The following TRIM65 variants were observed in gnomAD, a reference collection of about 807,000 sequenced individuals.
TRIM65 encodes E3 ubiquitin-protein ligase TRIM65.
In TRIM65, 46 loss-of-function variants were observed where a neutral mutation model predicts 36.1. The ratio of observed to expected loss-of-function variants is 1.27; its 90% CI spans 1.01 to 1.63. TRIM65 has a LOEUF of 1.63. Ranked by LOEUF, TRIM65 falls within the 40% of genes most tolerant of loss-of-function variation. The pLI, the probability that TRIM65 is intolerant of heterozygous loss-of-function variation, is 0.00. For synonymous variants in TRIM65, 346 were observed against 313.6 expected, an observed-to-expected ratio of 1.10 and a Z score of -1.09; for missense variants, 708 against 696.6, an observed-to-expected ratio of 1.02 and a Z score of -0.18.
chr17:75,886,542 A>C (rs904984418), downstream of TRIM65, among the ~76,000 whole-genome samples: 5 of 146,132 alleles, frequency 3.4e-5, no homozygotes, highest in Admixed American at 6.8e-5. Context: ...AAAAAAAAAA[A>C]CCAAAAACGT....
Position 75,896,653 on chromosome 17 carries a change from G to A in TRIM65, c.285C>T (p.Cys95=). Residue 95 remains cysteine, a synonymous_variant, in exon 1 of 6, where the codon TGC becomes TGT. Coordinates refer to ENST00000269383, the MANE Select transcript of TRIM65 (RefSeq NM_173547.4). ...GCTCCAGCGGCCGCCCGTGGCGGGG[G>A]CAGCGCGCGGCAGGGTCGGGGCCGG... The part of the protein sequence containing the change: ...PGPGPDPAAR[C]PRHGRPLELF... 2 of 1,241,794 alleles carry A rather than the reference G, an allele frequency of 1.6e-6. No individual in the cohort carries two copies. The highest frequency in any genetic ancestry group is 1.0e-6 in the Non-Finnish European group (1 of 996,930). 76.9% of individuals were successfully genotyped at this position (1,241,794 alleles called of 1,614,324 possible). A position where few individuals can be genotyped will look rare whatever the true frequency, so the allele number is the denominator to read the frequency against.
chr17:75,880,852 G>C (rs554825877), intron 4 of TRIM65, among the ~76,000 whole-genome samples: 3 of 150,470 alleles, frequency 2.0e-5, no homozygotes, highest in Admixed American at 1.3e-4. Context: ...CTCTAGGCTT[G>C]GGGGGTGGGA....
chr17:75,896,864 A>G lies in TRIM65; in HGVS notation c.74T>C (p.Leu25Pro). Residue 25 changes from leucine (L) to proline (P), a missense_variant, in exon 1 of 6, where the codon CTG becomes CCG. Leu to Pro is a moderately conservative substitution (Grantham distance 98). Transcript: ENST00000269383. ...CLGLYQDPVTLPCGHNFCGAC... is the reference protein window; with the variant it reads ...CLGLYQDPVTPPCGHNFCGAC... Reference sequence around the variant, plus strand: ...CCCGCAGAAGTTGTGGCCGCAGGGCAGCGTCACTGGGTCCTGGTAGAGCCC... The same window carrying G: ...CCCGCAGAAGTTGTGGCCGCAGGGCGGCGTCACTGGGTCCTGGTAGAGCCC... 1.3e-6 allele frequency: 2 copies of G among 1,532,084 alleles called. No individual in the cohort carries two copies. The highest frequency in any genetic ancestry group is 8.7e-7 in the Non-Finnish European group (1 of 1,142,908). 94.9% of individuals were successfully genotyped at this position (1,532,084 alleles called of 1,614,324 possible).
chr17:75,896,736 C>A lies in TRIM65; in HGVS notation c.202G>T (p.Gly68Cys). 1 of 1,469,008 alleles carries A rather than the reference C, an allele frequency of 6.8e-7. No individual in the cohort carries two copies. Among genetic ancestry groups the A allele is most frequent in the Non-Finnish European group, 9.0e-7 (1 of 1,114,980 alleles). 91.0% of individuals were successfully genotyped at this position (1,469,008 alleles called of 1,614,324 possible). A position where few individuals can be genotyped will look rare whatever the true frequency, so the allele number is the denominator to read the frequency against. Residue 68 changes from glycine to cysteine, a missense_variant, in exon 1 of 6, where the codon GGC (glycine) becomes TGC (cysteine). Gly to Cys is a radical substitution (Grantham distance 159, BLOSUM62 -3). Transcript: ENST00000269383. ...CCGGCGCGCACCACCTCCAGCACGC[C>A]GCTGAGGGCCACGTTGCGGCGCAGC... is the stretch of plus-strand genomic sequence containing the variant. Reference protein sequence around the residue: ...AELRRNVALSGVLEVVRAGPA... With the variant: ...AELRRNVALSCVLEVVRAGPA...
Position 75,892,811 on chromosome 17 carries a change from C to T in TRIM65, c.454G>A (p.Ala152Thr), listed in dbSNP as rs1302179624. The T allele has an allele frequency of 1.9e-6, 3 of 1,603,994 alleles. No homozygotes were observed. The highest frequency in any genetic ancestry group is 1.3e-5 in the African/African-American group (1 of 74,930). The change falls in exon 2 of 6, where the codon GCC becomes ACC. Residue 152 changes from alanine to threonine, a missense_variant. Coordinates refer to ENST00000269383, the MANE Select transcript of TRIM65 (RefSeq NM_173547.4). ...RASLEVTQQQATQAEGQLLEL... is the reference protein window; with the variant it reads ...RASLEVTQQQTTQAEGQLLEL... ...AGTAGCTGGCCTTCGGCCTGGGTGGCCTGCTGCTGGGTAACCTCCAGGCTG... is the reference window on the plus strand; with the variant it reads ...AGTAGCTGGCCTTCGGCCTGGGTGGTCTGCTGCTGGGTAACCTCCAGGCTG...
At chr17:75,888,274 A>G (rs2065225266), downstream of TRIM65, among the ~76,000 whole-genome samples, 1 of 150,844 alleles carries the variant, frequency 6.6e-6, no homozygotes, top group Admixed American at 6.6e-5. Context: ...GATCGCTTGA[A>G]CCCGGGAGGC....
intron 1 of TRIM65, among the ~76,000 whole-genome samples, chr17:75,894,264 G>GCGCCATC (rs1443377188): frequency 6.6e-6 from 1 of 152,034 alleles, no homozygotes; most frequent in Non-Finnish European, 1.5e-5. Flanking sequence ...CAGCGTCCCT[G>GCGCCATC]CGCCATCCTC....
rs565260863 is a variant in TRIM65, at chr17:75,896,522, A to C, written c.414+2T>G. 1.5e-6 allele frequency: 2 copies of C among 1,321,460 alleles called. 1 individual carries two copies. The highest frequency in any genetic ancestry group is 1.9e-6 in the Non-Finnish European group (2 of 1,037,378). 81.9% of individuals were successfully genotyped at this position (1,321,460 alleles called of 1,614,324 possible). ...CCCTCCCGCTCCCGGCGGATGCGTC[A>C]CCTCGCGCTTGAGGCGCTCGGCATC... On this transcript the variant is annotated splice_donor_variant, in intron 1 of 5. Coordinates refer to ENST00000269383, the MANE Select transcript of TRIM65 (RefSeq NM_173547.4). LOFTEE classifies it high-confidence loss of function.
chr17:75,891,833 A>C lies in TRIM65; in HGVS notation c.965T>G (p.Leu322Arg), dbSNP rs758468327. The C allele has an allele frequency of 4.3e-6, 7 of 1,612,450 alleles. No homozygotes were observed. In the East Asian group the frequency reaches 1.3e-4, roughly 31 times the overall value. Residue 322 changes from leucine (L) to arginine (R), a missense_variant, in exon 5 of 6, where the codon CTG (leucine) becomes CGG (arginine). Coordinates refer to ENST00000269383, the MANE Select transcript of TRIM65 (RefSeq NM_173547.4). Reference sequence around the variant, plus strand: ...CTTACTCTGCCAGAGTTTCCTCCTCAGTGGACAAACTGTGCTTGGGACCGG... The same window carrying C: ...CTTACTCTGCCAGAGTTTCCTCCTCCGTGGACAAACTGTGCTTGGGACCGG... ...LAPVPSTVCP[L>R]RRKLWQNYRN...
Position 75,890,560 on chromosome 17 carries a change from G to T in TRIM65, c.*219C>A. ...TACCTAGAACTGGGTTCTCTCTGGG[G>T]CAAGGGCATCCCATTTATCCCCCTC... On this transcript the variant is annotated 3_prime_UTR_variant, in exon 6 of 6. Transcript: ENST00000269383. The T allele has an allele frequency of 2.1e-6, 1 of 476,830 alleles. No homozygotes were observed. The allele number at this position is 476,830 out of a possible 1,614,324, so 29.5% of individuals were successfully genotyped here.
Position 75,892,249 on chromosome 17 carries a change from T to C in TRIM65, c.744+18A>G, listed in dbSNP as rs1480218168. The stretch of plus-strand genomic sequence containing the variant: ...GGCAGGGAAGCAAGTCCGCCACCTA[T>C]GCCCTGAGCCCTCGCACCTGCAGGA... On this transcript the variant is annotated intron_variant, in intron 3 of 5. Transcript: ENST00000269383. The C allele has an allele frequency of 3.1e-6, 5 of 1,604,972 alleles. No individual in the cohort carries two copies. The East Asian group carries it at 6.7e-5, about 22-fold the overall frequency.
rs56700567 is a variant in TRIM65, at chr17:75,891,748, GCACA to G, written c.985+61_985+64del. 3.0e-3 allele frequency: 4,008 copies of G among 1,331,256 alleles called. 43 individuals carry two copies. In the African/African-American group the frequency reaches 0.04, roughly 13 times the overall value. 82.5% of individuals were successfully genotyped at this position (1,331,256 alleles called of 1,614,324 possible). On this transcript the variant is annotated intron_variant, in intron 5 of 5. Coordinates refer to ENST00000269383, the MANE Select transcript of TRIM65 (RefSeq NM_173547.4). ...ACATGCACACACACACGTGCTCACAGCACACACAGGCACTTCCTTGCACACGCAC... is the reference window on the plus strand; with the variant it reads ...ACATGCACACACACACGTGCTCACAGCACAGGCACTTCCTTGCACACGCAC...
intron 4 of TRIM65, among the ~76,000 whole-genome samples, chr17:75,881,794 G>A (rs902699853): frequency 6.6e-6 from 1 of 150,722 alleles, no homozygotes; most frequent in Non-Finnish European, 1.5e-5. Flanking sequence ...CCAGGACTCA[G>A]GCGGGCAGAG....
chr17:75,892,474 C>T lies in TRIM65; in HGVS notation c.537G>A (p.Trp179Ter). 3.1e-6 allele frequency: 5 copies of T among 1,614,046 alleles called. No individual in the cohort carries two copies. The highest frequency in any genetic ancestry group is 1.1e-5 in the South Asian group (1 of 91,084). ...GCAGGCTGCTGAACTTGCCGGAGAC[C>T]CAGGAGGCCAAGATGCAGGCCGAGT... ...IQNSACILASWVSGKFSSLLQ... is the reference protein window; with the variant it reads ...IQNSACILAS Residue 179 changes from tryptophan (W) to a stop codon, truncating the protein, a stop_gained, in exon 3 of 6, where the codon TGG (tryptophan) becomes TGA (stop). Coordinates refer to ENST00000269383, the MANE Select transcript of TRIM65 (RefSeq NM_173547.4). LOFTEE classifies it high-confidence loss of function.
At position 75,896,666 on chromosome 17, in the gene TRIM65, G is replaced by C. The variant is rs1033329175; in HGVS notation, c.272C>G (p.Pro91Arg). 8.0e-7 allele frequency: 1 copy of C among 1,252,192 alleles called. No homozygotes were observed. Among genetic ancestry groups the C allele is most frequent in the Non-Finnish European group, 1.0e-6 (1 of 1,003,242 alleles). 77.6% of individuals were successfully genotyped at this position (1,252,192 alleles called of 1,614,324 possible). Residue 91 changes from proline (P) to arginine (R), a missense_variant, in exon 1 of 6, where the codon CCT (proline) becomes CGT (arginine). Transcript: ENST00000269383. ...PGPDPGPGPD[P>R]AARCPRHGRP... is the part of the protein sequence containing the mutation. ...CCCGTGGCGGGGGCAGCGCGCGGCAGGGTCGGGGCCGGGGCCGGGATCGGG... is the reference window on the plus strand; with the variant it reads ...CCCGTGGCGGGGGCAGCGCGCGGCACGGTCGGGGCCGGGGCCGGGATCGGG...
chr17:75,883,516 C>T (rs1397484110), intron 4 of TRIM65, among the ~76,000 whole-genome samples: 1 of 144,536 alleles, frequency 6.9e-6, no homozygotes, highest in Non-Finnish European at 1.5e-5. Flanking sequence ...TTCTCACTGT[C>T]TCTGAACAAG....
At chr17:75,891,954 C>A (rs1033087139) in intron 4 of TRIM65, 57 bp downstream of exon 4, 24 of 1,560,778 alleles carry the variant, frequency 1.5e-5, no homozygotes, top group Non-Finnish European at 1.8e-5. Context: ...TCCACCCCCC[C>A]AGCGGGAGGG....
In TRIM65 at chr17:75,891,118, T is replaced by A. The variant is rs2065258963; in HGVS notation, c.1215A>T (p.Pro405=). Residue 405 remains proline (P), a synonymous_variant, in exon 6 of 6, where the codon CCA becomes CCT. Coordinates refer to ENST00000269383, the MANE Select transcript of TRIM65 (RefSeq NM_173547.4). ...VTLGVSYPQL[P]RCRLGPHTDN... Reference sequence around the variant, plus strand: ...CTGTGTGGGGCCCCAGCCTGCACCGTGGCAGTTGCGGGTAGGAGACGCCCA... The same window carrying A: ...CTGTGTGGGGCCCCAGCCTGCACCGAGGCAGTTGCGGGTAGGAGACGCCCA... 1 of 1,609,122 alleles carries A rather than the reference T, an allele frequency of 6.2e-7. No individual in the cohort carries two copies. The highest frequency in any genetic ancestry group is 1.3e-5 in the African/African-American group (1 of 75,046).
intron 2 of TRIM65, 48 bp from the exon 3 acceptor site, chr17:75,892,548 T>TAC (rs746817874): frequency 1.9e-6 from 3 of 1,541,314 alleles, no homozygotes; most frequent in Non-Finnish European, 2.7e-6. Flanking sequence ...CCCTGTGCCA[T>TAC]ACCAAGGGAG....
Sources: gnomAD v4.1 joint callset for allele counts (sites outside exome capture counted in the v4.1 genomes callset) on GRCh38, gnomAD v4.1.1 for gene constraint, MANE v1.5 for transcripts, NCBI Gene and HGNC (gene_info 2026-07-23, HGNC 2026-07-21) for gene names.